The following OVCH1 variants were observed in gnomAD, a reference collection of about 807,000 sequenced individuals.
OVCH1 encodes ovochymase 1, also known as ovochymase-1.
OVCH1 carries 139 observed loss-of-function variants against 138.4 expected under a neutral mutation model. The ratio of observed to expected loss-of-function variants is 1.00; its 90% CI spans 0.87 to 1.16. OVCH1 has a LOEUF of 1.16. Among genes scored for constraint, OVCH1 ranks in the 50% most tolerant of loss-of-function variants. OVCH1 has a pLI of 0.00. For synonymous variants in OVCH1, 453 were observed against 467.8 expected (o/e 0.97, Z 0.41); for missense variants, 1,367 against 1,357.9 (o/e 1.01, Z -0.11).
the OVCH1 span, among the ~76,000 whole-genome samples, chr12:29,405,026 A>C: frequency 1.5e-5 from 1 of 68,202 alleles, no homozygotes; most frequent in Non-Finnish European, 3.0e-5. Context: ...CACCTCAAAA[A>C]AAAAAAAAAA....
chr12:29,416,078 CA>C (rs35897065), intron 3 of OVCH1, among the ~76,000 whole-genome samples: 8 of 145,824 alleles, frequency 5.5e-5, no homozygotes, highest in African/African-American at 7.6e-5. Context: ...ACAAAAAAAG[CA>C]AAAAAAAAAG....
Position 29,445,476 on chromosome 12 carries a change from G to A in OVCH1, c.2756-73C>T. On this transcript the variant is annotated intron_variant, in intron 22 of 27. Coordinates refer to ENST00000318184, the Ensembl canonical transcript of OVCH1. ...CAGCAGTTTCTGTATTTTAGGCCGA[G>A]CAATTAATTTAACCCACGAGGTAGG... The A allele has an allele frequency of 2.1e-6, 3 of 1,408,200 alleles. No homozygotes were observed. The African/African-American group carries it at 4.3e-5, about 20-fold the overall frequency. The allele number at this position is 1,408,200 out of a possible 1,614,324, so 87.2% of individuals were successfully genotyped here.
intron 21 of OVCH1, among the ~76,000 whole-genome samples, chr12:29,452,535 A>G (rs1291727060): frequency 6.6e-6 from 1 of 152,156 alleles, no homozygotes; most frequent in Non-Finnish European, 1.5e-5. Context: ...TTGCCCTACC[A>G]TCTGGGAATG....
At chr12:29,495,527 TAAATG>T in intron 3 of OVCH1, 70 bp from the exon 4 acceptor site, 5 of 1,379,598 alleles carry the variant, frequency 3.6e-6, no homozygotes, top group South Asian at 1.3e-5. Context: ...TTGATGTAAT[TAAATG>T]AAAAGTGATT....
downstream of OVCH1, among the ~76,000 whole-genome samples, chr12:29,423,673 T>C (rs1413675670): frequency 6.6e-6 from 1 of 152,174 alleles, no homozygotes; most frequent in African/African-American, 2.4e-5. Context: ...AACACAGAAG[T>C]TGGCACAAAG....
intron 27 of OVCH1, among the ~76,000 whole-genome samples, chr12:29,432,307 T>C (rs1172989302): frequency 6.6e-6 from 1 of 152,222 alleles, no homozygotes; most frequent in Non-Finnish European, 1.5e-5. Context: ...AAAGGAAGGC[T>C]GTACCAAAAT....
At chr12:29,406,507 C>T in the OVCH1 span, among the ~76,000 whole-genome samples, 5 of 133,424 alleles carry the variant, frequency 3.7e-5, no homozygotes, top group African/African-American at 1.2e-4. Flanking sequence ...TTCCTGTGTC[C>T]ATATGTTCTC....
At chr12:29,405,551 C>G in the OVCH1 span, among the ~76,000 whole-genome samples, 1 of 152,128 alleles carries the variant, frequency 6.6e-6, no homozygotes, top group Non-Finnish European at 1.5e-5. Context: ...AGGGGTAAAT[C>G]CCACCATTTT....
exon 10 of OVCH1, chr12:29,477,536 C>T (rs755948877): frequency 5.0e-6 from 8 of 1,613,862 alleles, no homozygotes; most frequent in East Asian, 2.2e-5. Flanking sequence ...GAAACTTACA[C>T]GTTTGTTTTG....
At chr12:29,449,737 G>A (rs952716150) in intron 22 of OVCH1, among the ~76,000 whole-genome samples, 4 of 152,136 alleles carry the variant, frequency 2.6e-5, no homozygotes, top group African/African-American at 7.2e-5. Flanking sequence ...CAAAGCTGGA[G>A]GCATCACACT....
chr12:29,437,758 A>G (rs1420328550), intron 26 of OVCH1, among the ~76,000 whole-genome samples: 1 of 152,196 alleles, frequency 6.6e-6, no homozygotes, highest in Non-Finnish European at 1.5e-5. Flanking sequence ...AACCTTTCTT[A>G]TCTATCAAAA....
chr12:29,435,705 A>T (rs1437570423), intron 26 of OVCH1, among the ~76,000 whole-genome samples: 2 of 152,044 alleles, frequency 1.3e-5, no homozygotes, highest in African/African-American at 4.8e-5. Flanking sequence ...TCAACCTCCC[A>T]CTACCCTAAG....
rs778628566 is a variant in OVCH1 at position 29,487,694 on chromosome 12, T to C, written c.891A>G (p.Thr297=). 4 of 1,588,560 alleles carry C rather than the reference T, an allele frequency of 2.5e-6. No individual in the cohort carries two copies. The South Asian group carries it at 4.6e-5, about 18-fold the overall frequency. Residue 297 remains threonine, a splice_region_variant and synonymous_variant, in exon 7 of 28, where the codon ACA becomes ACG. Transcript: ENST00000318184. The stretch of plus-strand genomic sequence containing the variant: ...ATGAGGAAGAAAGAATTCACCTACC[T>C]GTGAACAGGTTTTGAGTGATAAAAT...
In OVCH1 at chr12:29,457,556, G is replaced by A. The variant is rs558468019; in HGVS notation, c.2281-2151C>T. On this transcript the variant is annotated intron_variant, in intron 19 of 27. Transcript: ENST00000318184. ...GTAGCTGGGACTACAGACGCGCACC[G>A]TCAAGCCCGGCTAATTTTTTGTATT... 1.8e-3 allele frequency among the ~76,000 whole-genome samples: 275 copies of A among 151,334 alleles called. 3 individuals are homozygous for A. The highest frequency in any genetic ancestry group is 0.013 in the South Asian group (61 of 4,756).
chr12:29,468,124 C>CT (rs1942381141), intron 16 of OVCH1, among the ~76,000 whole-genome samples: 1 of 152,090 alleles, frequency 6.6e-6, no homozygotes, highest in Non-Finnish European at 1.5e-5. Flanking sequence ...TATACAAGTA[C>CT]TATAAAATAT....
the OVCH1 span, among the ~76,000 whole-genome samples, chr12:29,403,349 A>G: frequency 3.9e-5 from 6 of 152,182 alleles, no homozygotes; most frequent in Non-Finnish European, 7.3e-5. Flanking sequence ...TAAATTTTCT[A>G]TTTCCTTATG....
chr12:29,431,280 AC>A (rs1477587201), intron 27 of OVCH1, among the ~76,000 whole-genome samples: 3 of 151,986 alleles, frequency 2.0e-5, no homozygotes, highest in Non-Finnish European at 2.9e-5. Context: ...ACCAAAAAAA[AC>A]AAAAGTGCTA....
chr12:29,462,237 A>G (rs764181608), intron 18 of OVCH1, among the ~76,000 whole-genome samples: 9 of 152,144 alleles, frequency 5.9e-5, no homozygotes, highest in Non-Finnish European at 8.8e-5. Context: ...GGAGAATAAA[A>G]CCAGAAACAC....
At chr12:29,492,702 T>A (rs1009167397) in intron 4 of OVCH1, among the ~76,000 whole-genome samples, 1 of 151,710 alleles carries the variant, frequency 6.6e-6, no homozygotes, top group Non-Finnish European at 1.5e-5. Flanking sequence ...GAATCCAGAG[T>A]TTTTTAGATT....
Sources: gnomAD v4.1 joint callset for allele counts (sites outside exome capture counted in the v4.1 genomes callset) on GRCh38, gnomAD v4.1.1 for gene constraint, MANE v1.5 for transcripts, NCBI Gene and HGNC (gene_info 2026-07-23, HGNC 2026-07-21) for gene names.